Variants in SHC3 observed in about 807,000 individuals in gnomAD.
The protein encoded by SHC3 is SHC adaptor protein 3.
SHC3 carries 15 observed loss-of-function variants against 60.4 expected under a neutral mutation model. The ratio of observed to expected loss-of-function variants is 0.25; its 90% CI spans 0.17 to 0.38. SHC3 has a LOEUF of 0.38. Among genes scored for constraint, SHC3 ranks in the 10% least tolerant of loss-of-function variants. The probability of loss-of-function intolerance (pLI) is 1.00; values close to 1 mark genes in which losing one functional copy is unlikely to be tolerated. For synonymous variants in SHC3, 294 were observed against 325.9 expected, an observed-to-expected ratio of 0.90 and a Z score of 1.05; for missense variants, 677 against 786.1, an observed-to-expected ratio of 0.86 and a Z score of 1.66.
intron 2 of SHC3, among the ~76,000 whole-genome samples, chr9:89,092,968 A>G (rs2118057015): frequency 6.6e-6 from 1 of 152,312 alleles, no homozygotes; most frequent in Admixed American, 6.5e-5. Flanking sequence ...TATTTGTATC[A>G]TGCACATATC....
At chr9:89,076,111 C>G (rs780888995) in intron 3 of SHC3, among the ~76,000 whole-genome samples, 1 of 152,116 alleles carries the variant, frequency 6.6e-6, no homozygotes, top group Non-Finnish European at 1.5e-5. Context: ...AAACGGGCAT[C>G]GTTTCCACCA....
At chr9:89,024,023 C>G (rs1826246566) in intron 11 of SHC3, among the ~76,000 whole-genome samples, 1 of 152,202 alleles carries the variant, frequency 6.6e-6, no homozygotes, top group Non-Finnish European at 1.5e-5. Flanking sequence ...GATGCTGAAG[C>G]TGCTAGATTA....
chr9:89,064,476 A>G (rs1825142792), intron 6 of SHC3, among the ~76,000 whole-genome samples: 1 of 152,150 alleles, frequency 6.6e-6, no homozygotes, highest in Non-Finnish European at 1.5e-5. Flanking sequence ...CTGAGAAATG[A>G]AGTCAATGAC....
chr9:89,107,922 G>T (rs1185569192), intron 2 of SHC3, among the ~76,000 whole-genome samples: 1 of 152,146 alleles, frequency 6.6e-6, no homozygotes, highest in Non-Finnish European at 1.5e-5. Context: ...TCAAGTACAT[G>T]TACCACATAA....
At chr9:89,131,827 C>G (rs1826249584) in intron 1 of SHC3, among the ~76,000 whole-genome samples, 1 of 152,142 alleles carries the variant, frequency 6.6e-6, no homozygotes, top group African/African-American at 2.4e-5. Flanking sequence ...AAACTGGAAG[C>G]ATTCCCTTTG....
chr9:89,075,581 G>T (rs537429019), intron 3 of SHC3, among the ~76,000 whole-genome samples: 1 of 152,264 alleles, frequency 6.6e-6, no homozygotes, highest in South Asian at 2.1e-4. Context: ...CATTTTGTAC[G>T]CTCAGCAACC....
At chr9:89,159,447 G>A (rs987226474) in intron 1 of SHC3, among the ~76,000 whole-genome samples, 1 of 152,176 alleles carries the variant, frequency 6.6e-6, no homozygotes, top group African/African-American at 2.4e-5. Flanking sequence ...CACCTCTTTA[G>A]CTACTTCAAG....
intron 11 of SHC3, among the ~76,000 whole-genome samples, chr9:89,033,784 A>C (rs1537144): frequency 0.85 from 129,742 of 152,166 alleles, 55,575 homozygotes; most frequent in East Asian, 1. Context: ...AAAAACAAAG[A>C]AGAATGCAGA....
intron 1 of SHC3, among the ~76,000 whole-genome samples, chr9:89,172,117 G>A (rs940818186): frequency 1.3e-5 from 2 of 152,228 alleles, no homozygotes; most frequent in Non-Finnish European, 2.9e-5. Context: ...GATCAGCATG[G>A]CCTGTAACCA....
chr9:89,019,736 A>T (rs1054065719), intron 11 of SHC3, among the ~76,000 whole-genome samples: 13 of 152,236 alleles, frequency 8.5e-5, no homozygotes, highest in Non-Finnish European at 7.3e-5. Context: ...CAAAAGTCCA[A>T]TAAAAGAAAT....
chr9:89,104,115 T>C (rs1432348422), intron 2 of SHC3, among the ~76,000 whole-genome samples: 5 of 152,046 alleles, frequency 3.3e-5, no homozygotes, highest in Admixed American at 6.6e-5. Context: ...CCATTCTCAG[T>C]CACCAAGTCA....
intron 1 of SHC3, among the ~76,000 whole-genome samples, chr9:89,168,752 A>G (rs1035782121): frequency 6.6e-6 from 1 of 152,152 alleles, no homozygotes; most frequent in African/African-American, 2.4e-5. Context: ...TTCCTTTTTG[A>G]TAAAATTAAC....
intron 5 of SHC3, among the ~76,000 whole-genome samples, chr9:89,068,699 G>GAA (rs35784110): frequency 6.7e-6 from 1 of 148,602 alleles, no homozygotes; most frequent in East Asian, 2.0e-4. Flanking sequence ...GAGGAAATCT[G>GAA]AAAAAAAAAA....
chr9:89,064,135 C>T (rs1271240122), intron 6 of SHC3, among the ~76,000 whole-genome samples: 1 of 152,210 alleles, frequency 6.6e-6, no homozygotes. Context: ...CCCCTCATGA[C>T]CTAATGACCT....
chr9:89,133,670 C>T (rs555072052), intron 1 of SHC3, among the ~76,000 whole-genome samples: 2 of 151,974 alleles, frequency 1.3e-5, no homozygotes, highest in Non-Finnish European at 2.9e-5. Flanking sequence ...GACAGAAAAC[C>T]AAATACTGCA....
At chr9:89,048,612 C>T (rs1232087175) in intron 7 of SHC3, among the ~76,000 whole-genome samples, 1 of 152,132 alleles carries the variant, frequency 6.6e-6, no homozygotes, top group Non-Finnish European at 1.5e-5. Flanking sequence ...TTGAATATAA[C>T]AAATCAACTG....
chr9:89,085,380 C>A (rs116056095), intron 2 of SHC3, among the ~76,000 whole-genome samples: 221 of 152,336 alleles, frequency 1.5e-3, no homozygotes, highest in African/African-American at 5.1e-3. Flanking sequence ...AGGTGCCTTC[C>A]TCAGCCAAGG....
chr9:89,079,479 C>T (rs1825412593), intron 2 of SHC3, among the ~76,000 whole-genome samples: 2 of 152,200 alleles, frequency 1.3e-5, no homozygotes, highest in Admixed American at 6.5e-5. Flanking sequence ...CCTTTAATCA[C>T]TCCATAAATA....
In SHC3 at chr9:89,011,352, AGCTCCTAACTT is replaced by A. The variant is rs1438284225; in HGVS notation, c.*2084_*2094del. 6.6e-6 allele frequency: 1 copy of A among 152,248 alleles called. No homozygotes were observed. The highest frequency in any genetic ancestry group is 1.5e-5 in the Non-Finnish European group (1 of 68,046). 9.4% of individuals were successfully genotyped at this position (152,248 alleles called of 1,614,324 possible). ...GTAAATCAAATGTTACAGCATTCAC[AGCTCCTAACTT>A]GCATTTCCTACTTTGCTATTGTCCC... is the stretch of plus-strand genomic sequence containing the variant. On this transcript the variant is annotated 3_prime_UTR_variant, in exon 12 of 12. Transcript: ENST00000375835.
Sources: gnomAD v4.1 joint callset for allele counts (sites outside exome capture counted in the v4.1 genomes callset) on GRCh38, gnomAD v4.1.1 for gene constraint, MANE v1.5 for transcripts, NCBI Gene and HGNC (gene_info 2026-07-23, HGNC 2026-07-21) for gene names.